EHD2: variants seen among roughly 807,000 people sequenced by gnomAD.
EHD2 encodes EH domain-containing protein 2.
EHD2 carries 27 observed loss-of-function variants against 41.0 expected under a neutral mutation model. The observed-to-expected ratio is 0.66, with a 90% CI of 0.49 to 0.91. EHD2 has a LOEUF of 0.91. EHD2 is among the 40% of genes least tolerant of loss of function. The pLI is 0.00. For missense variants in EHD2, 673 were observed against 773.9 expected (o/e 0.87, Z 1.55); for synonymous variants, 342 against 341.0 (o/e 1.00, Z -0.03).
chr19:47,742,281 T>C lies in EHD2; in HGVS notation c.*849T>C, dbSNP rs1168714160. 1 of 275,398 alleles carries C rather than the reference T, an allele frequency of 3.6e-6. No individual in the cohort carries two copies. The highest frequency in any genetic ancestry group is 7.0e-6 in the Non-Finnish European group (1 of 142,252). The allele number at this position is 275,398 out of a possible 1,614,324, so 17.1% of individuals were successfully genotyped here. A position where few individuals can be genotyped will look rare whatever the true frequency, so the allele number is the denominator to read the frequency against. ...CCCTTCCCTTTCCTGTCCTGTCCTT[T>C]CTTTCTTTTTTGATAGAATCTTGCT... On this transcript the variant is annotated 3_prime_UTR_variant, in exon 6 of 6. Transcript: ENST00000263277.
intron 5 of EHD2, 54 bp from the exon 6 acceptor site, chr19:47,740,827 G>C: frequency 6.3e-7 from 1 of 1,577,064 alleles, no homozygotes; most frequent in Non-Finnish European, 8.6e-7. Flanking sequence ...TGCAGCCTGA[G>C]GGCCTCAGGG....
intron 4 of EHD2, among the ~76,000 whole-genome samples, chr19:47,733,324 C>T (rs1966887997): frequency 1.3e-5 from 2 of 151,372 alleles, no homozygotes; most frequent in Admixed American, 1.3e-4. Context: ...TAGCCTTGAC[C>T]TCCCCGGCTT....
At chr19:47,734,818 C>T (rs995317247) in intron 4 of EHD2, among the ~76,000 whole-genome samples, 27 of 151,448 alleles carry the variant, frequency 1.8e-4, no homozygotes, top group African/African-American at 6.1e-4. Context: ...TTTGGGAGGC[C>T]GAGGCGGGTG....
chr19:47,740,195 G>A lies in EHD2; in HGVS notation c.1081-686G>A, dbSNP rs1221900935. Among the ~76,000 whole-genome samples the A allele has an allele frequency of 3.3e-5, 5 of 151,804 alleles. 1 individual carries two copies. The highest frequency in any genetic ancestry group is 7.4e-5 in the Non-Finnish European group (5 of 67,958). On this transcript the variant is annotated intron_variant, in intron 5 of 5. Transcript: ENST00000263277. ...AGCCTGGGCAACATAGCAAGACTTG[G>A]TCTCTACAAAAAATTTTTAAAACTA...
At chr19:47,738,919 C>T (rs1249677921) in intron 5 of EHD2, among the ~76,000 whole-genome samples, 2 of 152,128 alleles carry the variant, frequency 1.3e-5, no homozygotes, top group Non-Finnish European at 2.9e-5. Flanking sequence ...GCCAAGTCCA[C>T]CCCTACACCC....
chr19:47,738,037 C>G (rs1027123000), intron 5 of EHD2, among the ~76,000 whole-genome samples: 6 of 151,758 alleles, frequency 4.0e-5, no homozygotes, highest in African/African-American at 9.7e-5. Context: ...TGTGCCACCA[C>G]GTACAGATAA....
rs1303865744 is a variant in EHD2 at position 47,739,393 on chromosome 19, G to C, written c.1081-1488G>C. On this transcript the variant is annotated intron_variant, in intron 5 of 5. Transcript: ENST00000263277. ...AGGTGGGCAGATTGCCTGAGGTCAGGAGTTCGAGACCAGCCTGGCCAACAT... is the reference window on the plus strand; with the variant it reads ...AGGTGGGCAGATTGCCTGAGGTCAGCAGTTCGAGACCAGCCTGGCCAACAT... Among the ~76,000 whole-genome samples, 3 of 148,806 alleles carry C rather than the reference G, an allele frequency of 2.0e-5. No individual in the cohort carries two copies. The South Asian group carries it at 6.3e-4, about 31-fold the overall frequency.
chr19:47,730,606 ACT>A (rs1488213794), intron 4 of EHD2, among the ~76,000 whole-genome samples: 10 of 151,792 alleles, frequency 6.6e-5, no homozygotes, highest in African/African-American at 2.4e-4. Flanking sequence ...GCCTTCCTGG[ACT>A]CTCTGGGAGG....
intron 4 of EHD2, among the ~76,000 whole-genome samples, chr19:47,730,139 C>T (rs1446589884): frequency 6.6e-6 from 1 of 152,186 alleles, no homozygotes; most frequent in East Asian, 1.9e-4. Flanking sequence ...CCAGACAAAC[C>T]CCGGAGTCAG....
intron 4 of EHD2, among the ~76,000 whole-genome samples, chr19:47,726,475 T>TTCC: frequency 6.6e-6 from 1 of 151,866 alleles, no homozygotes. Context: ...CTTCTTCCTC[T>TTCC]TCCTCCTCCT....
rs1184810150 is a variant in EHD2 at position 47,742,563 on chromosome 19, T to C, written c.*1131T>C. 1.3e-5 allele frequency: 2 copies of C among 153,478 alleles called. No homozygotes were observed. Among genetic ancestry groups the C allele is most frequent in the Non-Finnish European group, 2.9e-5 (2 of 69,092 alleles). The allele number at this position is 153,478 out of a possible 1,614,324, so 9.5% of individuals were successfully genotyped here. A position where few individuals can be genotyped will look rare whatever the true frequency, so the allele number is the denominator to read the frequency against. ...ATGGGATTACAGGCATGAGCCACCG[T>C]GCCCGGCTTCACACCCATTTCTTTA... On this transcript the variant is annotated 3_prime_UTR_variant, in exon 6 of 6. Transcript: ENST00000263277.
At chr19:47,720,149 T>C (rs1375652162) in intron 3 of EHD2, among the ~76,000 whole-genome samples, 2 of 151,148 alleles carry the variant, frequency 1.3e-5, no homozygotes, top group Non-Finnish European at 3.0e-5. Context: ...GTGCCTATAA[T>C]TGTGGCTGGA....
intron 3 of EHD2, among the ~76,000 whole-genome samples, chr19:47,724,480 C>T (rs1305471289): frequency 5.3e-5 from 8 of 152,170 alleles, no homozygotes; most frequent in African/African-American, 1.9e-4. Flanking sequence ...CCAGGTCTTC[C>T]AGACAGCTAA....
intron 4 of EHD2, among the ~76,000 whole-genome samples, chr19:47,729,182 G>T (rs1015332202): frequency 6.6e-6 from 1 of 152,118 alleles, no homozygotes; most frequent in Non-Finnish European, 1.5e-5. Context: ...GAGCTGGGGC[G>T]GGGTAGCTGG....
At chr19:47,721,076 T>G (rs574218622) in intron 3 of EHD2, among the ~76,000 whole-genome samples, 25 of 152,050 alleles carry the variant, frequency 1.6e-4, no homozygotes, top group Non-Finnish European at 3.1e-4. Flanking sequence ...CAAACATCTG[T>G]GTAGGTCCCA....
intron 5 of EHD2, among the ~76,000 whole-genome samples, chr19:47,736,922 GT>G (rs1966928922): frequency 6.6e-6 from 1 of 152,142 alleles, no homozygotes; most frequent in African/African-American, 2.4e-5. Context: ...TTGTGTCTGC[GT>G]TCCAGCCAGC....
At chr19:47,723,511 T>C (rs1973718467) in intron 3 of EHD2, among the ~76,000 whole-genome samples, 1 of 151,588 alleles carries the variant, frequency 6.6e-6, no homozygotes, top group South Asian at 2.1e-4. Flanking sequence ...AATACAGAAA[T>C]TAGCTGGGTG....
intron 2 of EHD2, 54 bp downstream of exon 2, chr19:47,717,070 G>A (rs769003391): frequency 6.3e-7 from 1 of 1,595,306 alleles, no homozygotes; most frequent in Non-Finnish European, 8.5e-7. Flanking sequence ...TGTTAAGACA[G>A]AGTTTCCGCT....
rs1474813473 is a variant in EHD2, at chr19:47,719,234, C to G, written c.502+628C>G. On this transcript the variant is annotated intron_variant, in intron 3 of 5. Transcript: ENST00000263277. The surrounding 1 kb of genome is among the most constrained non-coding windows in gnomAD (Gnocchi z 4.1). ...GGATTCCGAGGCAGTGAGACAGCGACGCAGGGAGACACAAGGCCTGGAGAT... is the reference window on the plus strand; with the variant it reads ...GGATTCCGAGGCAGTGAGACAGCGAGGCAGGGAGACACAAGGCCTGGAGAT... Among the ~76,000 whole-genome samples the G allele has an allele frequency of 6.6e-6, 1 of 152,022 alleles. No homozygotes were observed. The highest frequency in any genetic ancestry group is 1.5e-5 in the Non-Finnish European group (1 of 68,004).
Sources: allele counts gnomAD v4.1 joint callset (sites outside exome capture counted in the v4.1 genomes callset), GRCh38; gene constraint gnomAD v4.1.1; non-coding constraint Gnocchi (gnomAD v3.1); transcripts MANE v1.5; gene names NCBI Gene and HGNC (gene_info 2026-07-23, HGNC 2026-07-21).